Variants in KLHL15 observed in about 807,000 individuals in gnomAD.
KLHL15 encodes kelch like family member 15.
In KLHL15, 1 loss-of-function variant was observed where a neutral mutation model predicts 29.3. The ratio of observed to expected loss-of-function variants is 0.03; its 90% CI spans 0.01 to 0.16. The LOEUF (loss-of-function observed/expected upper bound fraction) is 0.16, where lower values mean the gene tolerates loss of function less well. KLHL15 is among the 10% of genes least tolerant of loss of function. The pLI is 1.00. For missense variants in KLHL15, 215 were observed against 478.5 expected, an observed-to-expected ratio of 0.45 and a Z score of 5.14; for synonymous variants, 212 against 184.5, an observed-to-expected ratio of 1.15 and a Z score of -1.21.
intron 3 of KLHL15, among the ~76,000 whole-genome samples, chrX:23,992,520 G>A (rs979806364): frequency 2.7e-5 from 3 of 111,891 alleles, no homozygotes; most frequent in African/African-American, 9.7e-5. Flanking sequence ...CAAATGGGAG[G>A]AAGCTTTAGA....
At chrX:24,013,543 C>T (rs1249120374) in intron 2 of KLHL15, among the ~76,000 whole-genome samples, 1 of 110,751 alleles carries the variant, frequency 9.0e-6, no homozygotes, top group Non-Finnish European at 1.9e-5. Flanking sequence ...GGATTACAGG[C>T]GTAAGCCACC....
intron 3 of KLHL15, among the ~76,000 whole-genome samples, chrX:23,996,766 A>G (rs986033510): frequency 2.7e-5 from 3 of 112,230 alleles, no homozygotes; most frequent in Non-Finnish European, 5.6e-5. Context: ...TTGCAAAACT[A>G]TGTACCCTGG....
Position 23,988,607 on chromosome X carries a change from T to C in KLHL15, c.1129A>G (p.Ile377Val), listed in dbSNP as rs760913970. The change falls in exon 4 of 4, where the codon ATT (isoleucine) becomes GTT (valine). Residue 377 changes from isoleucine to valine, a missense_variant. Physicochemically the swap from Ile to Val is conservative, Grantham distance 29. Coordinates refer to ENST00000328046, the MANE Select transcript of KLHL15 (RefSeq NM_030624.3). ...VPRSEFAVGV[I>V]GKFIYAVAGR... Reference sequence around the variant, plus strand: ...GCTACGGCGTAAATAAACTTCCCAATAACACCTACAGCAAATTCAGAGCGT... The same window carrying C: ...GCTACGGCGTAAATAAACTTCCCAACAACACCTACAGCAAATTCAGAGCGT... 5 of 1,209,659 alleles carry C rather than the reference T, an allele frequency of 4.1e-6. No individual in the cohort carries two copies. The highest frequency in any genetic ancestry group is 4.4e-5 in the Admixed American group (2 of 45,646).
chrX:24,004,817 CAT>C (rs995323658), intron 3 of KLHL15, among the ~76,000 whole-genome samples: 4 of 108,485 alleles, frequency 3.7e-5, no homozygotes, highest in African/African-American at 1.3e-4. Flanking sequence ...TACATACATA[CAT>C]ATATATAATT....
chrX:23,988,779 A>C lies in KLHL15; in HGVS notation c.957T>G (p.Pro319=). ...ELEGPQVPLR[P]DCLAIVNNFV... is the part of the protein sequence containing the mutation. Reference sequence around the variant, plus strand: ...AATTATTGACGATAGCAAGGCAGTCAGGTCGCAGAGGTACTTGTGGGCCTT... The same window carrying C: ...AATTATTGACGATAGCAAGGCAGTCCGGTCGCAGAGGTACTTGTGGGCCTT... The change falls in exon 4 of 4, where the codon CCT becomes CCG. Residue 319 remains proline, a synonymous_variant. Coordinates refer to ENST00000328046, the MANE Select transcript of KLHL15 (RefSeq NM_030624.3). 3 of 1,211,919 alleles carry C rather than the reference A, an allele frequency of 2.5e-6. No individual in the cohort carries two copies. Among genetic ancestry groups the C allele is most frequent in the Non-Finnish European group, 3.3e-6 (3 of 895,607 alleles).
At chrX:24,001,860 G>A (rs1335189140) in intron 3 of KLHL15, among the ~76,000 whole-genome samples, 11 of 104,431 alleles carry the variant, frequency 1.1e-4, no homozygotes, top group Non-Finnish European at 1.4e-4. Context: ...TAGGTCGGGC[G>A]CGGTGGCTCA....
intron 3 of KLHL15, among the ~76,000 whole-genome samples, chrX:23,993,145 C>T (rs946764448): frequency 8.9e-6 from 1 of 111,935 alleles, no homozygotes; most frequent in Non-Finnish European, 1.9e-5. Context: ...AAAAGAAAAA[C>T]TAGCTAGTTA....
At chrX:24,008,539 A>G (rs769145003) in intron 2 of KLHL15, among the ~76,000 whole-genome samples, 1 of 111,911 alleles carries the variant, frequency 8.9e-6, no homozygotes, top group Admixed American at 9.5e-5. Flanking sequence ...GCGCCTGGCC[A>G]CTAATTCAGT....
At chrX:23,991,438 G>C (rs1261457745) in intron 3 of KLHL15, among the ~76,000 whole-genome samples, 1 of 109,087 alleles carries the variant, frequency 9.2e-6, no homozygotes, top group African/African-American at 3.3e-5. Flanking sequence ...AGAATCGCTT[G>C]AACCCGGGAG....
chrX:24,022,875 C>T (rs1657945492), intron 2 of KLHL15, among the ~76,000 whole-genome samples: 1 of 108,332 alleles, frequency 9.2e-6, no homozygotes, highest in African/African-American at 3.4e-5. Flanking sequence ...GCTGGGATTA[C>T]AGGCGCCCGC....
chrX:24,016,876 C>T (rs912748928), intron 2 of KLHL15, among the ~76,000 whole-genome samples: 1 of 110,716 alleles, frequency 9.0e-6, no homozygotes, highest in Non-Finnish European at 1.9e-5. Flanking sequence ...AACCCCCCAG[C>T]CCACCTTCTG....
At position 23,988,040 on chromosome X, in the gene KLHL15, C is replaced by A; in HGVS notation, c.1696G>T (p.Asp566Tyr). 1 of 1,211,376 alleles carries A rather than the reference C, an allele frequency of 8.3e-7. No individual in the cohort carries two copies. Among genetic ancestry groups the A allele is most frequent in the Non-Finnish European group, 1.1e-6 (1 of 895,402 alleles). ...YSDSILTFDPDENKWKEDEYP... is the reference protein window; with the variant it reads ...YSDSILTFDPYENKWKEDEYP... ...TCATCTTCCTTCCACTTGTTTTCATCCGGATCAAAAGTGAGGATGGAATCG... is the reference window on the plus strand; with the variant it reads ...TCATCTTCCTTCCACTTGTTTTCATACGGATCAAAAGTGAGGATGGAATCG... Residue 566 changes from aspartate (D) to tyrosine (Y), a missense_variant, in exon 4 of 4, where the codon GAT becomes TAT. Coordinates refer to ENST00000328046, the MANE Select transcript of KLHL15 (RefSeq NM_030624.3).
In KLHL15 at chrX:23,988,039, T is replaced by A; in HGVS notation, c.1697A>T (p.Asp566Val). The A allele has an allele frequency of 8.3e-7, 1 of 1,211,558 alleles. No homozygotes were observed. Among genetic ancestry groups the A allele is most frequent in the Non-Finnish European group, 1.1e-6 (1 of 895,434 alleles). ...CTCATCTTCCTTCCACTTGTTTTCA[T>A]CCGGATCAAAAGTGAGGATGGAATC... ...YSDSILTFDP[D>V]ENKWKEDEYP... is the part of the protein sequence containing the mutation. The change falls in exon 4 of 4, where the codon GAT becomes GTT. Residue 566 changes from aspartate (D) to valine (V), a missense_variant. Transcript: ENST00000328046.
intron 2 of KLHL15, among the ~76,000 whole-genome samples, chrX:24,017,672 T>C (rs555440922): frequency 8.4e-4 from 88 of 104,897 alleles, no homozygotes; most frequent in African/African-American, 2.9e-3. Context: ...TCCCAGCTAC[T>C]CAGGAGGCTG....
rs1929448837 is a variant in KLHL15, at chrX:24,006,549, A to G, written c.145T>C (p.Leu49=). The G allele has an allele frequency of 8.3e-7, 1 of 1,211,514 alleles. No individual in the cohort carries two copies. The highest frequency in any genetic ancestry group is 1.8e-5 in the South Asian group (1 of 56,947). The change falls in exon 3 of 4, where the codon TTG becomes CTG. Residue 49 remains leucine (L), a synonymous_variant. Transcript: ENST00000328046. ...DHQFQAHKAL[L]ATQSDYFRIM... ...CTGAAGTAATCACTCTGGGTGGCCA[A>G]GAGTGCTTTATGGGCCTGGAACTGA...
rs1434561738 is a variant in KLHL15 at position 23,985,341 on chromosome X, T to C, written c.*2580A>G. The C allele has an allele frequency of 1.8e-5, 2 of 112,009 alleles. No homozygotes were observed. Among genetic ancestry groups the C allele is most frequent in the Non-Finnish European group, 3.8e-5 (2 of 53,169 alleles). 9.2% of individuals were successfully genotyped at this position (112,009 alleles called of 1,213,427 possible). A position where few individuals can be genotyped will look rare whatever the true frequency, so the allele number is the denominator to read the frequency against. Reference sequence around the variant, plus strand: ...AAAAATAAACTTGAAAAAAATGCTATGAAAAACTTTTCCATAGTTTAGTAT... The same window carrying C: ...AAAAATAAACTTGAAAAAAATGCTACGAAAAACTTTTCCATAGTTTAGTAT... On this transcript the variant is annotated 3_prime_UTR_variant, in exon 4 of 4. Coordinates refer to ENST00000328046, the MANE Select transcript of KLHL15 (RefSeq NM_030624.3).
intron 2 of KLHL15, among the ~76,000 whole-genome samples, chrX:24,019,222 T>TA (rs1012704842): frequency 1.8e-5 from 2 of 111,882 alleles, no homozygotes; most frequent in Non-Finnish European, 3.8e-5. Flanking sequence ...TTATTTTTCA[T>TA]AAAAAAATGT....
chrX:24,011,323 T>C (rs747155145), intron 2 of KLHL15, among the ~76,000 whole-genome samples: 4 of 94,310 alleles, frequency 4.2e-5, no homozygotes, highest in Non-Finnish European at 6.2e-5. Context: ...CTCGGCAACA[T>C]AGTGAGACAC....
intron 2 of KLHL15, among the ~76,000 whole-genome samples, chrX:24,024,560 C>A (rs961649835): frequency 1.1e-4 from 12 of 112,102 alleles, no homozygotes; most frequent in Non-Finnish European, 1.5e-4. Context: ...CTATTTCAGG[C>A]ATAAATTGAA....
Sources: allele counts gnomAD v4.1 joint callset (sites outside exome capture counted in the v4.1 genomes callset), GRCh38; gene constraint gnomAD v4.1.1; transcripts MANE v1.5; gene names NCBI Gene and HGNC (gene_info 2026-07-23, HGNC 2026-07-21).